ANK2: variants seen among roughly 807,000 people sequenced by gnomAD.
ANK2 encodes ankyrin 2.
In ANK2, 83 loss-of-function variants were observed where a neutral mutation model predicts 360.5. The ratio of observed to expected loss-of-function variants is 0.23; its 90% CI spans 0.19 to 0.28. The LOEUF is 0.28. Ranked by LOEUF, ANK2 falls within the 10% of genes least tolerant of loss-of-function variation. The pLI is 1.00. For synonymous variants in ANK2, 1,740 were observed against 1,759.5 expected (o/e 0.99, Z 0.28); for missense variants, 4,201 against 4,795.7 (o/e 0.88, Z 3.66).
chr4:113,272,590 GA>G (rs547545754), intron 14 of ANK2, among the ~76,000 whole-genome samples: 1 of 151,822 alleles, frequency 6.6e-6, no homozygotes, highest in Admixed American at 6.6e-5. Flanking sequence ...AGCAAAAATG[GA>G]AAAAAGTAGG....
At chr4:113,184,067 GAAGT>G (rs1562702771) in intron 2 of ANK2, among the ~76,000 whole-genome samples, 1 of 149,394 alleles carries the variant, frequency 6.7e-6, no homozygotes, top group Non-Finnish European at 1.5e-5. Context: ...CTACTCAAGT[GAAGT>G]ATGCATCACT....
chr4:113,012,814 A>T (rs1306671495), intron 2 of ANK2, among the ~76,000 whole-genome samples: 1 of 152,134 alleles, frequency 6.6e-6, no homozygotes, highest in South Asian at 2.1e-4. Context: ...TTGAATATAC[A>T]TATCACATAT....
chr4:113,233,262 G>C (rs2099342849), intron 5 of ANK2, among the ~76,000 whole-genome samples: 1 of 147,200 alleles, frequency 6.8e-6, no homozygotes, highest in African/African-American at 2.5e-5. Context: ...AGCCTCCCAA[G>C]TAGCTGGGAC....
intron 4 of ANK2, among the ~76,000 whole-genome samples, chr4:113,221,413 A>C (rs1283014284): frequency 6.6e-6 from 1 of 152,158 alleles, no homozygotes; most frequent in South Asian, 2.1e-4. Context: ...CAATACCAGC[A>C]CTTTGGGAGG....
chr4:113,111,109 T>G (rs955850295), intron 1 of ANK2, among the ~76,000 whole-genome samples: 4 of 152,222 alleles, frequency 2.6e-5, no homozygotes, highest in African/African-American at 4.8e-5. Context: ...ACAAAATTAT[T>G]TTGTGAAAAT....
At chr4:113,251,993 CA>C (rs1699655960) in intron 10 of ANK2, among the ~76,000 whole-genome samples, 1 of 152,140 alleles carries the variant, frequency 6.6e-6, no homozygotes, top group Non-Finnish European at 1.5e-5. Context: ...TAGTCCGTTT[CA>C]CGCTACTGAT....
chr4:112,713,504 G>A, the ANK2 span, among the ~76,000 whole-genome samples: 1 of 152,252 alleles, frequency 6.6e-6, no homozygotes, highest in South Asian at 2.1e-4. Context: ...TGGAGGCGGA[G>A]GTTGCGGTGA....
intron 1 of ANK2, among the ~76,000 whole-genome samples, chr4:113,106,644 A>G (rs2093660982): frequency 6.6e-6 from 1 of 152,168 alleles, no homozygotes; most frequent in Non-Finnish European, 1.5e-5. Context: ...CTTCAATTGT[A>G]ACTGTAGTTC....
At chr4:113,232,690 C>G (rs1248307402) in intron 5 of ANK2, among the ~76,000 whole-genome samples, 1 of 72,738 alleles carries the variant, frequency 1.4e-5, no homozygotes, top group Non-Finnish European at 3.4e-5. Flanking sequence ...TGAGGAATGT[C>G]ATTAAAAAAA....
intron 1 of ANK2, among the ~76,000 whole-genome samples, chr4:112,883,620 T>G (rs191335074): frequency 6.6e-6 from 1 of 152,128 alleles, no homozygotes; most frequent in Non-Finnish European, 1.5e-5. Context: ...CTGCCTACAT[T>G]TAGCTTGACA....
intron 1 of ANK2, among the ~76,000 whole-genome samples, chr4:113,120,123 T>C (rs2095251940): frequency 6.6e-6 from 1 of 152,124 alleles, no homozygotes; most frequent in Admixed American, 6.6e-5. Flanking sequence ...TTAGCTAATA[T>C]TTAAATATGG....
At chr4:113,220,294 G>A (rs3025752) in intron 4 of ANK2, among the ~76,000 whole-genome samples, 4,246 of 152,164 alleles carry the variant, frequency 0.028, 96 homozygotes, top group East Asian at 0.068. Context: ...AACCTGTCTG[G>A]GCCTAGGAGA....
At chr4:113,300,881 C>CA (rs2074598098) in intron 22 of ANK2, among the ~76,000 whole-genome samples, 2 of 152,244 alleles carry the variant, frequency 1.3e-5, no homozygotes, top group Admixed American at 1.3e-4. Context: ...AAAGAGCCAC[C>CA]AAAAAGCTCA....
At chr4:113,041,254 A>T (rs571766327) in intron 2 of ANK2, among the ~76,000 whole-genome samples, 1 of 152,218 alleles carries the variant, frequency 6.6e-6, no homozygotes, top group South Asian at 2.1e-4. Flanking sequence ...AATCCTTAAC[A>T]TGGCCTGTTG....
chr4:112,791,676 A>G, the ANK2 span, among the ~76,000 whole-genome samples: 1 of 151,562 alleles, frequency 6.6e-6, no homozygotes, highest in African/African-American at 2.4e-5. Context: ...TATTTTTAGT[A>G]GAGACGGGGT....
intron 1 of ANK2, among the ~76,000 whole-genome samples, chr4:112,889,172 A>G (rs2079225621): frequency 6.6e-6 from 1 of 152,086 alleles, no homozygotes; most frequent in South Asian, 2.1e-4. Context: ...TGTTTAGTAG[A>G]AACAATACCA....
chr4:112,708,936 AT>A, the ANK2 span, among the ~76,000 whole-genome samples: 1 of 152,170 alleles, frequency 6.6e-6, no homozygotes, highest in African/African-American at 2.4e-5. Flanking sequence ...TTGAACAAAG[AT>A]TTTTTTAAAG....
chr4:112,982,254 G>A (rs2043332769), intron 2 of ANK2, among the ~76,000 whole-genome samples: 1 of 152,002 alleles, frequency 6.6e-6, no homozygotes, highest in South Asian at 2.1e-4. Flanking sequence ...TAGAAAAATG[G>A]CTCTAGTTAG....
chr4:113,271,184 C>T (rs896073031), intron 14 of ANK2, among the ~76,000 whole-genome samples: 3 of 152,220 alleles, frequency 2.0e-5, no homozygotes, highest in African/African-American at 7.2e-5. Flanking sequence ...TCCTCCCATC[C>T]GAACAAACCA....
Sources: allele counts gnomAD v4.1 joint callset (sites outside exome capture counted in the v4.1 genomes callset), GRCh38; gene constraint gnomAD v4.1.1; transcripts MANE v1.5; gene names NCBI Gene and HGNC (gene_info 2026-07-23, HGNC 2026-07-21).